ATP6V1H: variants seen among roughly 807,000 people sequenced by gnomAD.
The protein encoded by ATP6V1H is V-type proton ATPase subunit H.
A neutral mutation model predicts 71.7 loss-of-function variants in ATP6V1H; 39 were observed. That is an observed-to-expected ratio of 0.54 (90% CI 0.42 to 0.71). The LOEUF (loss-of-function observed/expected upper bound fraction) is 0.71. Among genes scored for constraint, ATP6V1H ranks in the 30% least tolerant of loss-of-function variants. The pLI, the probability that ATP6V1H is intolerant of heterozygous loss-of-function variation, is 0.00. For synonymous variants in ATP6V1H, 192 were observed against 199.3 expected, an observed-to-expected ratio of 0.96 and a Z score of 0.31; for missense variants, 509 against 594.9, an observed-to-expected ratio of 0.86 and a Z score of 1.50.
intron 13 of ATP6V1H, among the ~76,000 whole-genome samples, chr8:53,734,750 G>A (rs1307881319): frequency 2.0e-5 from 3 of 152,126 alleles, no homozygotes; most frequent in South Asian, 4.1e-4. Flanking sequence ...TCAGAGGCTC[G>A]GAAAGCTGCA....
At chr8:53,763,554 GAT>G (rs1808349921) in intron 11 of ATP6V1H, among the ~76,000 whole-genome samples, 1 of 152,162 alleles carries the variant, frequency 6.6e-6, no homozygotes, top group Non-Finnish European at 1.5e-5. Context: ...GTTCCTTGTA[GAT>G]TTTAACAAGG....
chr8:53,769,823 C>G, intron 10 of ATP6V1H, 80 bp from the exon 11 acceptor site: 9 of 1,258,000 alleles, frequency 7.2e-6, no homozygotes, highest in Non-Finnish European at 9.8e-6. Context: ...AATGTCTTCA[C>G]TTATTATTTA....
chr8:53,838,936 GA>G (rs771673176), intron 2 of ATP6V1H, among the ~76,000 whole-genome samples: 7 of 152,126 alleles, frequency 4.6e-5, no homozygotes, highest in African/African-American at 4.8e-5. Context: ...TCTTTTATAT[GA>G]GACACATTTC....
At chr8:53,826,754 T>C (rs566293316) in intron 4 of ATP6V1H, among the ~76,000 whole-genome samples, 11 of 149,566 alleles carry the variant, frequency 7.4e-5, no homozygotes, top group Non-Finnish European at 1.5e-4. Context: ...CAAGACCACC[T>C]TCGCCAACAT....
chr8:53,775,303 T>C (rs1366996059), intron 9 of ATP6V1H, among the ~76,000 whole-genome samples: 1 of 152,192 alleles, frequency 6.6e-6, no homozygotes, highest in African/African-American at 2.4e-5. Context: ...GAGTGAGCAG[T>C]AGCAAGATTT....
chr8:53,781,435 A>G (rs1408133709), intron 9 of ATP6V1H, among the ~76,000 whole-genome samples: 1 of 151,956 alleles, frequency 6.6e-6, no homozygotes, highest in Non-Finnish European at 1.5e-5. Flanking sequence ...TAGATTCTGG[A>G]TATTAGCCTT....
chr8:53,780,665 A>G (rs960516926), intron 9 of ATP6V1H, among the ~76,000 whole-genome samples: 2 of 152,022 alleles, frequency 1.3e-5, no homozygotes, highest in African/African-American at 4.8e-5. Context: ...AGCATTAGGT[A>G]TATCTCCTAA....
chr8:53,797,227 C>T (rs974114482), intron 8 of ATP6V1H, among the ~76,000 whole-genome samples: 2 of 152,136 alleles, frequency 1.3e-5, no homozygotes, highest in African/African-American at 4.8e-5. Flanking sequence ...TTAGGCTATG[C>T]CAAGAACAGG....
chr8:53,828,164 T>C (rs1810883354), intron 4 of ATP6V1H, among the ~76,000 whole-genome samples: 1 of 152,208 alleles, frequency 6.6e-6, no homozygotes, highest in Admixed American at 6.5e-5. Flanking sequence ...GTTCTGTTTT[T>C]AGCTCTTTGA....
chr8:53,727,899 A>G (rs1417253264), intron 13 of ATP6V1H, among the ~76,000 whole-genome samples: 3 of 152,194 alleles, frequency 2.0e-5, no homozygotes, highest in Admixed American at 6.5e-5. Flanking sequence ...CCAGACTGCC[A>G]ATCTTGATGT....
At chr8:53,835,246 A>G (rs904807652) in intron 2 of ATP6V1H, among the ~76,000 whole-genome samples, 6 of 152,076 alleles carry the variant, frequency 3.9e-5, no homozygotes, top group Non-Finnish European at 8.8e-5. Flanking sequence ...ATTCATGTAC[A>G]AGTGATTTAT....
chr8:53,815,619 G>A lies in ATP6V1H; in HGVS notation c.421-853C>T, dbSNP rs180720649. ...GGAATTCTACAACATAGGGACTAAT[G>A]GGGCGCCTTTACTTGCTCATTGAGT... On this transcript the variant is annotated intron_variant, in intron 5 of 13. Transcript: ENST00000359530. Among the ~76,000 whole-genome samples the A allele has an allele frequency of 2.4e-3, 364 of 152,290 alleles. 2 individuals carry two copies. Among genetic ancestry groups the A allele is most frequent in the Admixed American group, 0.014 (210 of 15,292 alleles).
intron 13 of ATP6V1H, among the ~76,000 whole-genome samples, chr8:53,735,344 C>T (rs1250366101): frequency 6.6e-6 from 1 of 152,098 alleles, no homozygotes; most frequent in African/African-American, 2.4e-5. Context: ...AACGGGCTGG[C>T]GTCTGTAGCT....
In ATP6V1H at chr8:53,733,786, G is replaced by A. The variant is rs549580322; in HGVS notation, c.1391+9791C>T. Among the ~76,000 whole-genome samples, 3 of 152,178 alleles carry A rather than the reference G, an allele frequency of 2.0e-5. No homozygotes were observed. In the South Asian group the frequency reaches 6.2e-4, roughly 32 times the overall value. On this transcript the variant is annotated intron_variant, in intron 13 of 13. Transcript: ENST00000359530. ...GGCGACCACGAACCTTTTGAATAGG[G>A]GTCTCAACAGCAGCAAGCCTTCTGT...
At chr8:53,802,573 A>C (rs1057069692) in intron 7 of ATP6V1H, among the ~76,000 whole-genome samples, 1 of 152,016 alleles carries the variant, frequency 6.6e-6, no homozygotes, top group African/African-American at 2.4e-5. Context: ...ACAAAAAATT[A>C]GCTGGGCCTG....
chr8:53,715,816 G>C lies in ATP6V1H; in HGVS notation c.*148C>G, dbSNP rs1806404194. ...ACTTAACAGGCAAACATGTTATTTT[G>C]TTGTTGTTGTTTGGAAATTAGCATT... is the stretch of plus-strand genomic sequence containing the variant. On this transcript the variant is annotated 3_prime_UTR_variant, in exon 14 of 14. Transcript: ENST00000359530. 1.8e-6 allele frequency: 1 copy of C among 570,878 alleles called. No homozygotes were observed. The highest frequency in any genetic ancestry group is 1.9e-5 in the African/African-American group (1 of 52,838). The allele number at this position is 570,878 out of a possible 1,614,324, so 35.4% of individuals were successfully genotyped here.
chr8:53,766,750 G>C (rs1273115598), intron 11 of ATP6V1H, among the ~76,000 whole-genome samples: 1 of 152,140 alleles, frequency 6.6e-6, no homozygotes, highest in Admixed American at 6.5e-5. Context: ...AGCGTTCCCA[G>C]GCTTATTAGG....
intron 4 of ATP6V1H, among the ~76,000 whole-genome samples, chr8:53,818,033 G>A (rs1810508795): frequency 6.6e-6 from 1 of 152,172 alleles, no homozygotes; most frequent in African/African-American, 2.4e-5. Flanking sequence ...GATAAAGACA[G>A]CAGAAAACAG....
chr8:53,804,777 G>C (rs1405535333), intron 7 of ATP6V1H, among the ~76,000 whole-genome samples: 2 of 152,216 alleles, frequency 1.3e-5, no homozygotes, highest in Non-Finnish European at 2.9e-5. Context: ...TCTGAGCTAA[G>C]AACTTGCTAC....
Sources: gnomAD v4.1 joint callset for allele counts (sites outside exome capture counted in the v4.1 genomes callset) on GRCh38, gnomAD v4.1.1 for gene constraint, MANE v1.5 for transcripts, NCBI Gene and HGNC (gene_info 2026-07-23, HGNC 2026-07-21) for gene names.